Variants in CASK observed in about 807,000 individuals in gnomAD.
CASK encodes calcium/calmodulin dependent serine protein kinase.
In CASK, 4 loss-of-function variants were observed where a neutral mutation model predicts 82.9. The observed-to-expected ratio is 0.05, with a 90% CI of 0.02 to 0.11. The LOEUF is 0.11. CASK is among the 10% of genes least tolerant of loss of function. The pLI is 1.00. For missense variants in CASK, 358 were observed against 720.9 expected (o/e 0.50, Z 5.76); for synonymous variants, 259 against 253.5 (o/e 1.02, Z -0.20).
At chrX:41,788,935 G>A (rs1166237967) in intron 2 of CASK, among the ~76,000 whole-genome samples, 2 of 111,389 alleles carry the variant, frequency 1.8e-5, no homozygotes, top group African/African-American at 3.3e-5. Context: ...ACCACACTGT[G>A]AGGTAGGTAT....
At chrX:41,912,483 T>G in intron 1 of CASK, among the ~76,000 whole-genome samples, 1 of 107,876 alleles carries the variant, frequency 9.3e-6, no homozygotes, top group Non-Finnish European at 1.9e-5. Context: ...AATATTTGTA[T>G]TTTTAGTAGA....
At chrX:41,882,262 TA>T (rs1178469477) in intron 1 of CASK, among the ~76,000 whole-genome samples, 1 of 111,763 alleles carries the variant, frequency 8.9e-6, no homozygotes, top group African/African-American at 3.2e-5. Flanking sequence ...TTTATTCTCT[TA>T]TTTGACATGT....
intron 2 of CASK, among the ~76,000 whole-genome samples, chrX:41,794,971 C>T (rs2147849982): frequency 8.9e-6 from 1 of 112,270 alleles, no homozygotes; most frequent in South Asian, 3.7e-4. Context: ...AGGATGGGGC[C>T]AGCCCAGGAA....
chrX:41,707,051 C>T (rs1602498794), intron 5 of CASK, among the ~76,000 whole-genome samples: 1 of 112,229 alleles, frequency 8.9e-6, no homozygotes, highest in Non-Finnish European at 1.9e-5. Context: ...CTAGTTAGAA[C>T]ATTAAAGTTG....
intron 2 of CASK, among the ~76,000 whole-genome samples, chrX:41,814,656 G>A (rs1482953103): frequency 9.2e-6 from 1 of 108,215 alleles, no homozygotes; most frequent in African/African-American, 3.4e-5. Context: ...CGAGTTAATG[G>A]GTGCAGCACA....
intron 2 of CASK, among the ~76,000 whole-genome samples, chrX:41,815,289 A>G (rs997155329): frequency 9.0e-6 from 1 of 111,694 alleles, no homozygotes; most frequent in African/African-American, 3.3e-5. Context: ...TAAATTTGGC[A>G]CTAAAATAAT....
At chrX:41,808,709 T>C (rs1445442420) in intron 2 of CASK, among the ~76,000 whole-genome samples, 1 of 112,153 alleles carries the variant, frequency 8.9e-6, no homozygotes, top group Non-Finnish European at 1.9e-5. Context: ...CACTGGGGCT[T>C]GTCGGACAGT....
intron 5 of CASK, among the ~76,000 whole-genome samples, chrX:41,735,626 A>C (rs1358265059): frequency 9.4e-6 from 1 of 106,943 alleles, no homozygotes; most frequent in African/African-American, 3.4e-5. Context: ...AGGCAGGATC[A>C]TCTCCTGTCT....
At chrX:41,740,531 C>T (rs1010533174) in intron 4 of CASK, among the ~76,000 whole-genome samples, 1 of 111,331 alleles carries the variant, frequency 9.0e-6, no homozygotes, top group Non-Finnish European at 1.9e-5. Context: ...CATCAAGTTC[C>T]CTCTTTGGCA....
At chrX:41,735,163 AGAT>A (rs2068475581) in intron 5 of CASK, among the ~76,000 whole-genome samples, 1 of 112,056 alleles carries the variant, frequency 8.9e-6, no homozygotes, top group African/African-American at 3.2e-5. Context: ...TAGATGAAAC[AGAT>A]GATAAAATAA....
chrX:41,833,497 G>A (rs2070867216), intron 2 of CASK, among the ~76,000 whole-genome samples: 1 of 110,981 alleles, frequency 9.0e-6, no homozygotes. Context: ...GAAAATAGTG[G>A]GTGTCTATGA....
chrX:41,701,914 A>G (rs1169055576), intron 5 of CASK, among the ~76,000 whole-genome samples: 1 of 112,336 alleles, frequency 8.9e-6, no homozygotes, highest in Admixed American at 9.5e-5. Flanking sequence ...GCAAGTTGGT[A>G]GACTTCCATT....
intron 1 of CASK, among the ~76,000 whole-genome samples, chrX:41,920,073 G>A (rs1269632267): frequency 2.7e-5 from 3 of 111,808 alleles, no homozygotes; most frequent in Admixed American, 9.5e-5. Context: ...TGGTTGCGTA[G>A]GTAGAGGAGT....
At chrX:41,562,184 CA>C in intron 16 of CASK, 1 of 114,006 alleles carries the variant, frequency 8.8e-6, no homozygotes, top group Non-Finnish European at 1.9e-5. Flanking sequence ...CGAAGGTTGT[CA>C]ATTTTCCAAG....
chrX:41,737,717 G>A (rs755350319), intron 5 of CASK, among the ~76,000 whole-genome samples: 3 of 111,946 alleles, frequency 2.7e-5, no homozygotes, highest in African/African-American at 9.7e-5. Flanking sequence ...ATTATCTTTC[G>A]AGAATAATTC....
chrX:41,713,239 A>G (rs1388179816), intron 5 of CASK, among the ~76,000 whole-genome samples: 1 of 112,032 alleles, frequency 8.9e-6, no homozygotes, highest in Non-Finnish European at 1.9e-5. Context: ...CTGTGAAGGA[A>G]CTGTCAGAGC....
chrX:41,798,359 T>C (rs1292832631), intron 2 of CASK, among the ~76,000 whole-genome samples: 2 of 112,559 alleles, frequency 1.8e-5, no homozygotes, highest in Admixed American at 9.4e-5. Context: ...ATGAGATGAT[T>C]ATTTGCCTTT....
chrX:41,775,218 G>C (rs2069333040), intron 3 of CASK, among the ~76,000 whole-genome samples: 1 of 109,696 alleles, frequency 9.1e-6, no homozygotes, highest in African/African-American at 3.3e-5. Flanking sequence ...TCAAAAAGTG[G>C]GCAAAGGACA....
chrX:41,911,032 A>G (rs980885523), intron 1 of CASK, among the ~76,000 whole-genome samples: 11 of 111,945 alleles, frequency 9.8e-5, no homozygotes, highest in Admixed American at 9.5e-4. Flanking sequence ...AGTTCTCTTA[A>G]ATTTATATGA....
Sources: gnomAD v4.1 joint callset for allele counts (sites outside exome capture counted in the v4.1 genomes callset) on GRCh38, gnomAD v4.1.1 for gene constraint, MANE v1.5 for transcripts, NCBI Gene and HGNC (gene_info 2026-07-23, HGNC 2026-07-21) for gene names.